Variants in PARP15 observed in about 807,000 individuals in gnomAD.
The protein encoded by PARP15 is poly(ADP-ribose) polymerase family member 15, also known as protein mono-ADP-ribosyltransferase PARP15.
PARP15 carries 50 observed loss-of-function variants against 62.1 expected under a neutral mutation model. That is an observed-to-expected ratio of 0.81 (90% CI 0.64 to 1.02). PARP15 has a LOEUF of 1.02. PARP15 is among the 50% of genes least tolerant of loss of function. The pLI, the probability that PARP15 is intolerant of heterozygous loss-of-function variation, is 0.00. For missense variants in PARP15, 820 were observed against 826.5 expected, an observed-to-expected ratio of 0.99 and a Z score of 0.10; for synonymous variants, 309 against 293.1, an observed-to-expected ratio of 1.05 and a Z score of -0.55.
chr3:122,606,014 C>G lies in PARP15; in HGVS notation c.265C>G (p.Leu89Val). 1 of 1,552,030 alleles carries G rather than the reference C, an allele frequency of 6.4e-7. No individual in the cohort carries two copies. Residue 89 changes from leucine (L) to valine (V), a missense_variant, in exon 2 of 12, where the codon CTG (leucine) becomes GTG (valine). Transcript: ENST00000464300. ...AGCTTCAATCCAAACCAAAGAAGGT[C>G]TGAATCTCAAGTTGATAAGTGGAGA... is the stretch of plus-strand genomic sequence containing the variant. Reference protein sequence around the residue: ...VVASIQTKEGLNLKLISGDVL... With the variant: ...VVASIQTKEGVNLKLISGDVL...
intron 2 of PARP15, among the ~76,000 whole-genome samples, chr3:122,608,823 A>G (rs1935361449): frequency 6.8e-6 from 1 of 147,194 alleles, no homozygotes; most frequent in South Asian, 2.1e-4. Context: ...GCTGGAGTGC[A>G]GTGGCGCAGT....
Position 122,621,534 on chromosome 3 carries a change from G to A in PARP15, c.1154G>A (p.Arg385Lys), listed in dbSNP as rs1301209864. The change falls in exon 8 of 12, where the codon AGG becomes AAG. Residue 385 changes from arginine (R) to lysine (K), a missense_variant. Physicochemically the swap from Arg to Lys is conservative, Grantham distance 26. Around this residue, in one of 3 missense-constraint regions of PARP15, gnomAD observed 731 missense variants for 727.7 expected, o/e 1.00. Transcript: ENST00000464300. The part of the protein sequence containing the change: ...IIHVPGGKDV[R>K]KTVTSVLEEC... ...CATGTTCCTGGGGGAAAAGATGTCA[G>A]GAAAACGGTCACCAGTGTTCTAGAA... The A allele has an allele frequency of 6.2e-7, 1 of 1,614,058 alleles. No individual in the cohort carries two copies. Among genetic ancestry groups the A allele is most frequent in the Non-Finnish European group, 8.5e-7 (1 of 1,179,974 alleles).
At chr3:122,619,983 G>T (rs894470221) in intron 7 of PARP15, 140 bp downstream of exon 7, 1 of 741,510 alleles carries the variant, frequency 1.3e-6, no homozygotes, top group South Asian at 1.5e-5. Context: ...GGAAGAGCAG[G>T]CAGAGGTGGT....
At position 122,594,433 on chromosome 3, in the gene PARP15, T is replaced by C. The variant is rs1047816309; in HGVS notation, c.187-11503T>C. ...TATTGTGTAACAATTATTACTATTA[T>C]CATATTACAAAGTAGCTCCATGTCC... is the stretch of plus-strand genomic sequence containing the variant. On this transcript the variant is annotated intron_variant, in intron 1 of 11. Transcript: ENST00000464300. The C allele has an allele frequency of 3.5e-5, 17 of 481,802 alleles. No individual in the cohort carries two copies. The African/African-American group carries it at 3.5e-4, about 10-fold the overall frequency. The allele number at this position is 481,802 out of a possible 1,614,324, so 29.8% of individuals were successfully genotyped here.
At chr3:122,606,091 A>C in intron 2 of PARP15, 36 bp downstream of exon 2, 1 of 1,539,556 alleles carries the variant, frequency 6.5e-7, no homozygotes, top group Non-Finnish European at 8.8e-7. Flanking sequence ...ACCAAGGAAC[A>C]GTGGGATCTA....
intron 5 of PARP15, among the ~76,000 whole-genome samples, chr3:122,616,552 G>C (rs1023662708): frequency 6.6e-6 from 1 of 151,898 alleles, no homozygotes; most frequent in Non-Finnish European, 1.5e-5. Flanking sequence ...AGCTGGTCTC[G>C]AACTCCTAAC....
intron 4 of PARP15, among the ~76,000 whole-genome samples, chr3:122,613,808 T>G (rs1935746011): frequency 6.7e-6 from 1 of 149,498 alleles, no homozygotes. Flanking sequence ...CCTCTCTGAA[T>G]CTCAGCTTTT....
At chr3:122,588,273 C>A (rs1933608518) in intron 1 of PARP15, among the ~76,000 whole-genome samples, 1 of 151,656 alleles carries the variant, frequency 6.6e-6, no homozygotes, top group African/African-American at 2.4e-5. Flanking sequence ...TCTGTTGAGG[C>A]TTATTTTTGC....
intron 8 of PARP15, among the ~76,000 whole-genome samples, chr3:122,625,727 C>T (rs1936680237): frequency 1.3e-5 from 2 of 152,184 alleles, no homozygotes; most frequent in Non-Finnish European, 1.5e-5. Flanking sequence ...TTGCTGATAC[C>T]TTGGCCTCAG....
chr3:122,594,929 T>C (rs916239717), intron 1 of PARP15: 2 of 915,794 alleles, frequency 2.2e-6, no homozygotes, highest in South Asian at 1.0e-4. Flanking sequence ...GAGTAACCAA[T>C]GTTCAGTATT....
intron 1 of PARP15, among the ~76,000 whole-genome samples, chr3:122,596,027 T>C (rs6762418): frequency 0.93 from 141,792 of 151,940 alleles, 66,470 homozygotes; most frequent in Non-Finnish European, 0.98. Flanking sequence ...CTATGCTCAT[T>C]GCCCAGAAGA....
chr3:122,623,003 AGGTCCCTCTCGTAT>A (rs1936447481), intron 8 of PARP15, among the ~76,000 whole-genome samples: 3 of 152,156 alleles, frequency 2.0e-5, no homozygotes, highest in Admixed American at 6.5e-5. Flanking sequence ...CAGGTATCCC[AGGTCCCTCTCGTAT>A]GAACCCCAGG....
At chr3:122,615,913 G>A (rs1378339213) in intron 5 of PARP15, 56 bp downstream of exon 5, 1 of 1,513,128 alleles carries the variant, frequency 6.6e-7, no homozygotes, top group Non-Finnish European at 9.1e-7. Flanking sequence ...CAACTCTTCA[G>A]TGGTAGTTGA....
Position 122,635,034 on chromosome 3 carries a change from G to C in PARP15, c.1587G>C (p.Gln529His). The change falls in exon 11 of 12, where the codon CAG becomes CAC. Residue 529 changes from glutamine (Q) to histidine (H), a missense_variant. Around this residue, in one of 3 missense-constraint regions of PARP15, gnomAD observed 731 missense variants for 727.7 expected, o/e 1.00. Coordinates refer to ENST00000464300, the MANE Select transcript of PARP15 (RefSeq NM_001113523.3). ...SYAIEKIERI[Q>H]NAFLWQSYQV... ...GTTACCTGCAGATTGAGAGGATACA[G>C]AATGCATTTCTCTGGCAGAGCTACC... 1 of 1,613,948 alleles carries C rather than the reference G, an allele frequency of 6.2e-7. No individual in the cohort carries two copies. Among genetic ancestry groups the C allele is most frequent in the Non-Finnish European group, 8.5e-7 (1 of 1,179,942 alleles).
At chr3:122,602,589 C>T (rs1214313113) in intron 1 of PARP15, among the ~76,000 whole-genome samples, 1 of 152,190 alleles carries the variant, frequency 6.6e-6, no homozygotes, top group African/African-American at 2.4e-5. Context: ...TTTATGACTT[C>T]TTTCAATTAT....
At chr3:122,603,712 T>C (rs1248832825) in intron 1 of PARP15, among the ~76,000 whole-genome samples, 2 of 152,186 alleles carry the variant, frequency 1.3e-5, no homozygotes, top group Non-Finnish European at 2.9e-5. Flanking sequence ...CAAAGTATTC[T>C]CTGGGTGGGA....
At chr3:122,584,123 T>C (rs931481848) in intron 1 of PARP15, among the ~76,000 whole-genome samples, 3 of 152,214 alleles carry the variant, frequency 2.0e-5, no homozygotes, top group Non-Finnish European at 4.4e-5. Flanking sequence ...TTGCCTGTTA[T>C]CAAATATCTC....
intron 1 of PARP15, among the ~76,000 whole-genome samples, chr3:122,585,684 A>G (rs376221740): frequency 4.8e-4 from 73 of 152,340 alleles, no homozygotes; most frequent in African/African-American, 1.7e-3. Flanking sequence ...GATTGGTCTG[A>G]TACAGTTACA....
chr3:122,590,213 A>G (rs1027133330), intron 1 of PARP15, among the ~76,000 whole-genome samples: 2 of 149,950 alleles, frequency 1.3e-5, no homozygotes, highest in Non-Finnish European at 3.0e-5. Flanking sequence ...TATCATTTTC[A>G]TTTCTATACT....
Sources: allele counts gnomAD v4.1 joint callset (sites outside exome capture counted in the v4.1 genomes callset), GRCh38; gene constraint gnomAD v4.1.1; regional missense constraint gnomAD v4.1.1; transcripts MANE v1.5; gene names NCBI Gene and HGNC (gene_info 2026-07-23, HGNC 2026-07-21).